Variants in PDE11A observed in about 807,000 individuals in gnomAD.
PDE11A encodes the protein phosphodiesterase 11A.
A neutral mutation model predicts 100.5 loss-of-function variants in PDE11A; 100 were observed. The observed-to-expected ratio is 1.00, with a 90% CI of 0.85 to 1.18. The LOEUF (loss-of-function observed/expected upper bound fraction) is 1.18. PDE11A is among the 50% of genes most tolerant of loss of function. PDE11A has a pLI of 0.00. For missense variants in PDE11A, 1,141 were observed against 1,152.6 expected, an observed-to-expected ratio of 0.99 and a Z score of 0.15; for synonymous variants, 381 against 420.8, an observed-to-expected ratio of 0.91 and a Z score of 1.16.
At chr2:177,854,386 A>G (rs1260651226) in intron 5 of PDE11A, among the ~76,000 whole-genome samples, 2 of 152,024 alleles carry the variant, frequency 1.3e-5, no homozygotes, top group Non-Finnish European at 2.9e-5. Context: ...TACATTTCCA[A>G]ATTCATTAAG....
intron 9 of PDE11A, among the ~76,000 whole-genome samples, chr2:177,776,011 C>G (rs2082372319): frequency 6.6e-6 from 1 of 152,088 alleles, no homozygotes; most frequent in South Asian, 2.1e-4. Context: ...TTTAATGAAT[C>G]AAGGAATAAA....
chr2:178,061,688 A>G (rs2086971412), intron 1 of PDE11A, among the ~76,000 whole-genome samples: 1 of 152,172 alleles, frequency 6.6e-6, no homozygotes, highest in South Asian at 2.1e-4. Context: ...TTATACCTTC[A>G]TATCTTTCTA....
At chr2:177,892,729 C>T (rs562287700) in intron 4 of PDE11A, among the ~76,000 whole-genome samples, 1 of 152,342 alleles carries the variant, frequency 6.6e-6, no homozygotes, top group East Asian at 1.9e-4. Context: ...ATAAGAAGGC[C>T]TTGCTGGCCC....
intron 1 of PDE11A, among the ~76,000 whole-genome samples, chr2:178,057,555 G>T (rs140093089): frequency 6.6e-6 from 1 of 152,176 alleles, no homozygotes; most frequent in Admixed American, 6.5e-5. Flanking sequence ...TCACCACGGT[G>T]ATTTAAATAA....
intron 5 of PDE11A, among the ~76,000 whole-genome samples, chr2:177,853,657 T>C (rs1169668289): frequency 7.3e-5 from 2 of 27,542 alleles, no homozygotes; most frequent in Non-Finnish European, 1.5e-4. Flanking sequence ...TATATATATA[T>C]ATATATATAT....
intron 3 of PDE11A, among the ~76,000 whole-genome samples, chr2:177,904,008 T>TAC: frequency 6.6e-6 from 1 of 152,332 alleles, no homozygotes; most frequent in Non-Finnish European, 1.5e-5. Context: ...TGTTTACTGA[T>TAC]AAAAATATCC....
chr2:177,839,834 A>G (rs989074183), intron 6 of PDE11A, among the ~76,000 whole-genome samples: 2 of 152,244 alleles, frequency 1.3e-5, no homozygotes, highest in African/African-American at 2.4e-5. Flanking sequence ...GTAAACTTCA[A>G]AATTGTTTTA....
At chr2:177,856,643 A>G (rs2083838681) in intron 5 of PDE11A, among the ~76,000 whole-genome samples, 1 of 152,082 alleles carries the variant, frequency 6.6e-6, no homozygotes, top group Non-Finnish European at 1.5e-5. Context: ...ATTGAAAAGT[A>G]TAGTAACAGA....
chr2:177,698,234 A>AG (rs1003062258), intron 14 of PDE11A, among the ~76,000 whole-genome samples: 14 of 152,174 alleles, frequency 9.2e-5, no homozygotes, highest in African/African-American at 3.1e-4. Flanking sequence ...GGACTCTAAA[A>AG]TGACGTTTAC....
chr2:177,930,129 T>G (rs565855191), intron 2 of PDE11A, among the ~76,000 whole-genome samples: 1 of 152,344 alleles, frequency 6.6e-6, no homozygotes, highest in Non-Finnish European at 1.5e-5. Context: ...TATGTGAAAT[T>G]CAACAGCCCT....
chr2:177,906,609 G>C (rs963265833), intron 2 of PDE11A, among the ~76,000 whole-genome samples: 1 of 152,082 alleles, frequency 6.6e-6, no homozygotes, highest in Non-Finnish European at 1.5e-5. Flanking sequence ...AAAAATCAAT[G>C]ATTTTTGCAG....
rs1359125348 is a variant in PDE11A at position 177,675,487 on chromosome 2, C to T, written c.2455G>A (p.Ala819Thr). 2 of 1,613,540 alleles carry T rather than the reference C, an allele frequency of 1.2e-6. No individual in the cohort carries two copies. The highest frequency in any genetic ancestry group is 1.6e-4 in the Middle Eastern group (1 of 6,078). ...GAGATCTCCCACGGTTTGGTCACGG[C>T]TCCAAGGTCACAGGCTGTCATTAAC... ...SMLMTACDLG[A>T]VTKPWEISRQ... Residue 819 changes from alanine (A) to threonine (T), a missense_variant, in exon 17 of 20, where the codon GCC becomes ACC. By Grantham distance (58) the Ala-to-Thr change is moderately conservative. Coordinates refer to ENST00000286063, the MANE Select transcript of PDE11A (RefSeq NM_016953.4).
At chr2:177,809,813 G>A (rs1285356921) in intron 9 of PDE11A, among the ~76,000 whole-genome samples, 1 of 152,196 alleles carries the variant, frequency 6.6e-6, no homozygotes, top group African/African-American at 2.4e-5. Flanking sequence ...GAGTGGGGAT[G>A]ATTGATTCAA....
chr2:177,805,991 A>G (rs957714357), intron 9 of PDE11A, among the ~76,000 whole-genome samples: 2 of 152,180 alleles, frequency 1.3e-5, no homozygotes, highest in Non-Finnish European at 2.9e-5. Context: ...TCTGGGACCA[A>G]TTGGTTACAT....
intron 2 of PDE11A, among the ~76,000 whole-genome samples, chr2:177,944,350 C>T (rs1046531026): frequency 6.6e-6 from 1 of 152,010 alleles, no homozygotes; most frequent in Non-Finnish European, 1.5e-5. Flanking sequence ...CAAAATATAA[C>T]CAAAAGAAAG....
chr2:178,084,055 T>C (rs2087320034), intron 2 of PDE11A, among the ~76,000 whole-genome samples: 1 of 152,176 alleles, frequency 6.6e-6, no homozygotes, highest in Admixed American at 6.5e-5. Context: ...AAAAACTATA[T>C]AGAAAAGTGA....
At chr2:177,666,076 G>A (rs746697371) in intron 18 of PDE11A, among the ~76,000 whole-genome samples, 7 of 151,956 alleles carry the variant, frequency 4.6e-5, no homozygotes, top group Admixed American at 1.3e-4. Context: ...AGTCATTCTC[G>A]CTTTTTTTCC....
intron 5 of PDE11A, among the ~76,000 whole-genome samples, chr2:177,847,060 C>T (rs1351701455): frequency 6.6e-6 from 1 of 152,108 alleles, no homozygotes; most frequent in Non-Finnish European, 1.5e-5. Flanking sequence ...CATTCTTCTC[C>T]CACCTGTCTC....
rs58490894 is a variant in PDE11A at position 177,972,996 on chromosome 2, T to C, written c.1071+41306A>G. Among the ~76,000 whole-genome samples, 1,466 of 152,316 alleles carry C rather than the reference T, an allele frequency of 9.6e-3. 36 individuals are homozygous for C. The highest frequency in any genetic ancestry group is 0.034 in the African/African-American group (1,409 of 41,554). On this transcript the variant is annotated intron_variant, in intron 2 of 19. Coordinates refer to ENST00000286063, the MANE Select transcript of PDE11A (RefSeq NM_016953.4). ...AGTGGATAAGGCAGTTTGGGAGTTC[T>C]GTGGCACAGCAGGCAAGATCTGATA... is the stretch of plus-strand genomic sequence containing the variant.
Sources: gnomAD v4.1 joint callset for allele counts (sites outside exome capture counted in the v4.1 genomes callset) on GRCh38, gnomAD v4.1.1 for gene constraint, MANE v1.5 for transcripts, NCBI Gene and HGNC (gene_info 2026-07-23, HGNC 2026-07-21) for gene names.